CCDC12: variants seen among roughly 807,000 people sequenced by gnomAD.
CCDC12 encodes coiled-coil domain containing 12, also known as coiled-coil domain-containing protein 12.
Under a neutral mutation model 25.7 loss-of-function variants are expected in CCDC12, and 28 were observed. The ratio of observed to expected loss-of-function variants is 1.09; its 90% CI spans 0.81 to 1.50. CCDC12 has a LOEUF of 1.50. CCDC12 is among the 40% of genes most tolerant of loss of function. The pLI is 0.00. For missense variants in CCDC12, 198 were observed against 210.0 expected (o/e 0.94, Z 0.35); for synonymous variants, 75 against 87.7 (o/e 0.86, Z 0.81).
intron 1 of CCDC12, among the ~76,000 whole-genome samples, chr3:46,958,911 T>C (rs2034381171): frequency 6.6e-6 from 1 of 152,144 alleles, no homozygotes; most frequent in Admixed American, 6.5e-5. Flanking sequence ...CACCCCAGTA[T>C]GAAATGCAAA....
At position 46,936,570 on chromosome 3, in the gene CCDC12, G is replaced by A. The variant is rs1034808394; in HGVS notation, c.164+4428C>T. Among the ~76,000 whole-genome samples the A allele has an allele frequency of 5.3e-5, 8 of 152,294 alleles. No individual in the cohort carries two copies. The South Asian group carries it at 1.5e-3, about 28-fold the overall frequency. Reference sequence around the variant, plus strand: ...AGGCAATGTGACTTGCCCAGGGTTAGAAAATTAACTGGCAGGGCTTGGCCT... The same window carrying A: ...AGGCAATGTGACTTGCCCAGGGTTAAAAAATTAACTGGCAGGGCTTGGCCT... On this transcript the variant is annotated intron_variant, in intron 2 of 6. Transcript: ENST00000683445.
At chr3:46,946,330 A>C (rs1326171917) in intron 1 of CCDC12, among the ~76,000 whole-genome samples, 1 of 152,244 alleles carries the variant, frequency 6.6e-6, no homozygotes, top group African/African-American at 2.4e-5. Flanking sequence ...GTAGTAAGGA[A>C]AGCTTTACTA....
chr3:46,935,791 C>T (rs1454074305), intron 2 of CCDC12, among the ~76,000 whole-genome samples: 1 of 152,174 alleles, frequency 6.6e-6, no homozygotes, highest in Non-Finnish European at 1.5e-5. Context: ...GGAGCTCACT[C>T]CCACCCAATG....
intron 1 of CCDC12, among the ~76,000 whole-genome samples, chr3:46,964,553 G>A (rs2034582703): frequency 6.6e-6 from 1 of 152,272 alleles, no homozygotes; most frequent in Admixed American, 6.5e-5. Flanking sequence ...GATGGTTGCT[G>A]TGTCTGTGTA....
chr3:46,973,769 C>T (rs1392378498), intron 1 of CCDC12, among the ~76,000 whole-genome samples: 2 of 151,860 alleles, frequency 1.3e-5, no homozygotes, highest in Non-Finnish European at 2.9e-5. Context: ...CCCACCACCG[C>T]GCTCGGCTAA....
chr3:46,925,774 C>T (rs370776500), intron 2 of CCDC12, among the ~76,000 whole-genome samples: 9 of 152,334 alleles, frequency 5.9e-5, no homozygotes, highest in East Asian at 3.9e-4. Flanking sequence ...TGTTGGAGTA[C>T]GGTTCTCTTC....
chr3:46,936,790 G>A (rs1213475598), intron 2 of CCDC12, among the ~76,000 whole-genome samples: 1 of 152,220 alleles, frequency 6.6e-6, no homozygotes, highest in Non-Finnish European at 1.5e-5. Context: ...CCAGGCAGGG[G>A]ACACTGAGTG....
intron 2 of CCDC12, among the ~76,000 whole-genome samples, chr3:46,927,394 T>C (rs1353558861): frequency 1.3e-5 from 2 of 152,070 alleles, no homozygotes; most frequent in Admixed American, 6.5e-5. Context: ...GAAAAAAAAC[T>C]GTCGCTTTCA....
At chr3:46,925,803 G>A (rs920620492) in intron 2 of CCDC12, among the ~76,000 whole-genome samples, 4 of 152,318 alleles carry the variant, frequency 2.6e-5, no homozygotes, top group South Asian at 2.1e-4. Flanking sequence ...GGCCAAGGAC[G>A]CCTAGGGAGC....
At chr3:46,931,750 ACTC>A (rs767618538) in intron 2 of CCDC12, among the ~76,000 whole-genome samples, 16 of 152,082 alleles carry the variant, frequency 1.1e-4, no homozygotes, top group Non-Finnish European at 1.5e-4. Context: ...GCTGTGAGGC[ACTC>A]CTCCTAGTAA....
Position 46,974,651 on chromosome 3 carries a change from C to G in CCDC12, c.96+1986G>C, listed in dbSNP as rs181525759. ...TCACACCCTATTACTTCCCTTTTCA[C>G]TTTCACACAGGACCCCCAGACTGCC... On this transcript the variant is annotated intron_variant, in intron 1 of 6. Transcript: ENST00000683445. Among the ~76,000 whole-genome samples, 23 of 152,334 alleles carry G rather than the reference C, an allele frequency of 1.5e-4. No homozygotes were observed. The East Asian group carries it at 4.4e-3, about 29-fold the overall frequency.
chr3:46,954,607 A>G (rs1575556099), intron 1 of CCDC12, among the ~76,000 whole-genome samples: 1 of 152,182 alleles, frequency 6.6e-6, no homozygotes, highest in East Asian at 1.9e-4. Flanking sequence ...GGTCAAGGGA[A>G]TAAGAGCTAC....
chr3:46,945,629 C>T (rs2033874007), intron 1 of CCDC12, among the ~76,000 whole-genome samples: 1 of 152,216 alleles, frequency 6.6e-6, no homozygotes. Flanking sequence ...CTTAAATGTT[C>T]AACAAGACTT....
intron 1 of CCDC12, among the ~76,000 whole-genome samples, chr3:46,947,822 A>C (rs1055761423): frequency 6.6e-6 from 1 of 152,288 alleles, no homozygotes; most frequent in East Asian, 1.9e-4. Context: ...GCTCCATTTC[A>C]TCTTGGCTGT....
intron 1 of CCDC12, among the ~76,000 whole-genome samples, chr3:46,941,280 T>TC (rs1453602008): frequency 1.3e-5 from 2 of 152,094 alleles, no homozygotes; most frequent in Non-Finnish European, 2.9e-5. Flanking sequence ...CCATAACTCT[T>TC]GGCTGGGCGC....
intron 2 of CCDC12, 34 bp downstream of exon 2, chr3:46,940,964 G>C (rs1453041667): frequency 6.2e-7 from 1 of 1,605,674 alleles, no homozygotes; most frequent in Admixed American, 1.7e-5. Flanking sequence ...TGCTGGAGGA[G>C]AGAGCAGACC....
intron 2 of CCDC12, among the ~76,000 whole-genome samples, chr3:46,927,398 G>T (rs1294367357): frequency 6.6e-6 from 1 of 152,186 alleles, no homozygotes; most frequent in Non-Finnish European, 1.5e-5. Context: ...AAAAACTGTC[G>T]CTTTCAGAAA....
Position 46,946,631 on chromosome 3 carries a change from G to A in CCDC12, c.97-5566C>T, listed in dbSNP as rs973034596. ...GAGGGCTGAGCCCAGCATGAGGGCC[G>A]ACACCCTGAACGGGCACTGTGGTAG... is the stretch of plus-strand genomic sequence containing the variant. On this transcript the variant is annotated intron_variant, in intron 1 of 6. Transcript: ENST00000683445. Among the ~76,000 whole-genome samples, 9 of 152,338 alleles carry A rather than the reference G, an allele frequency of 5.9e-5. No individual in the cohort carries two copies. The South Asian group carries it at 8.3e-4, about 14-fold the overall frequency.
At chr3:46,970,661 C>A (rs2034777702) in intron 1 of CCDC12, among the ~76,000 whole-genome samples, 3 of 152,228 alleles carry the variant, frequency 2.0e-5, no homozygotes, top group African/African-American at 4.8e-5. Flanking sequence ...TGTCTCAGAG[C>A]AGCAAGAGAC....
Sources: gnomAD v4.1 joint callset for allele counts (sites outside exome capture counted in the v4.1 genomes callset) on GRCh38, gnomAD v4.1.1 for gene constraint, MANE v1.5 for transcripts, NCBI Gene and HGNC (gene_info 2026-07-23, HGNC 2026-07-21) for gene names.